Variants in ITGA9 observed in about 807,000 individuals in gnomAD.
The protein encoded by ITGA9 is integrin alpha-9.
Under a neutral mutation model 127.8 loss-of-function variants are expected in ITGA9, and 56 were observed. The observed-to-expected ratio is 0.44, with a 90% CI of 0.35 to 0.55. The LOEUF (loss-of-function observed/expected upper bound fraction) is 0.55. Among genes scored for constraint, ITGA9 ranks in the 20% least tolerant of loss-of-function variants. The pLI is 0.00. For synonymous variants in ITGA9, 508 were observed against 514.5 expected (o/e 0.99, Z 0.17); for missense variants, 1,196 against 1,347.1 (o/e 0.89, Z 1.76).
At chr3:37,736,422 A>C (rs2125530550) in intron 19 of ITGA9, among the ~76,000 whole-genome samples, 1 of 152,326 alleles carries the variant, frequency 6.6e-6, no homozygotes, top group South Asian at 2.1e-4. Context: ...AGAGTTCAGC[A>C]TTGCTCTGTT....
intron 13 of ITGA9, among the ~76,000 whole-genome samples, chr3:37,530,195 G>A (rs907240048): frequency 2.6e-5 from 4 of 152,238 alleles, no homozygotes; most frequent in African/African-American, 9.6e-5. Flanking sequence ...CGTTGATAAA[G>A]TCCCAGGATT....
At chr3:37,808,834 T>C (rs972557088) in intron 27 of ITGA9, 1 of 152,178 alleles carries the variant, frequency 6.6e-6, no homozygotes, top group African/African-American at 2.4e-5. Flanking sequence ...GGCCTCTCCA[T>C]GTGGTTCTTC....
intron 17 of ITGA9, among the ~76,000 whole-genome samples, chr3:37,662,992 G>A (rs957007048): frequency 6.6e-6 from 1 of 152,196 alleles, no homozygotes; most frequent in African/African-American, 2.4e-5. Context: ...ATTCATGGAT[G>A]TTTTTATTTT....
intron 13 of ITGA9, 48 bp from the exon 14 acceptor site, chr3:37,533,266 G>T (rs760645926): frequency 2.2e-5 from 35 of 1,586,450 alleles, no homozygotes; most frequent in Admixed American, 1.7e-5. Context: ...TTGGTTCTGA[G>T]AGCTGCTCCT....
rs758261838 is a variant in ITGA9 at position 37,519,294 on chromosome 3, C to T, written c.1176C>T (p.Phe392=). 3.7e-6 allele frequency: 6 copies of T among 1,613,982 alleles called. No individual in the cohort carries two copies. The highest frequency in any genetic ancestry group is 2.2e-5 in the East Asian group (1 of 44,882). Residue 392 remains phenylalanine, a synonymous_variant, in exon 11 of 28, where the codon TTC becomes TTT. Coordinates refer to ENST00000264741, the MANE Select transcript of ITGA9 (RefSeq NM_002207.3). ...VAIGAPKEDD[F]AGAVYIYHGD... Reference sequence around the variant, plus strand: ...TTGGTGCACCCAAGGAGGATGACTTCGCAGGGGCGGTCTATATCTATCATG... The same window carrying T: ...TTGGTGCACCCAAGGAGGATGACTTTGCAGGGGCGGTCTATATCTATCATG...
At chr3:37,472,593 G>A (rs1429566786) in intron 2 of ITGA9, among the ~76,000 whole-genome samples, 1 of 151,912 alleles carries the variant, frequency 6.6e-6, no homozygotes, top group Non-Finnish European at 1.5e-5. Flanking sequence ...ACGGGGTTTC[G>A]CCATGTTGGC....
chr3:37,610,130 T>C (rs1462780232), intron 15 of ITGA9, among the ~76,000 whole-genome samples: 2 of 151,990 alleles, frequency 1.3e-5, no homozygotes, highest in Non-Finnish European at 2.9e-5. Context: ...GATGGATAAG[T>C]AGGAATAAGC....
intron 17 of ITGA9, among the ~76,000 whole-genome samples, chr3:37,681,900 A>G (rs1700738172): frequency 6.6e-6 from 1 of 151,878 alleles, no homozygotes; most frequent in Non-Finnish European, 1.5e-5. Context: ...CTATTTCACT[A>G]CAAAATAGAA....
chr3:37,742,028 C>T (rs975200090), intron 21 of ITGA9, among the ~76,000 whole-genome samples: 5 of 152,256 alleles, frequency 3.3e-5, no homozygotes, highest in Non-Finnish European at 7.3e-5. Flanking sequence ...CCTACCCACC[C>T]ACCTGGTAGA....
intron 15 of ITGA9, among the ~76,000 whole-genome samples, chr3:37,585,290 T>C (rs1478674874): frequency 6.6e-6 from 1 of 152,126 alleles, no homozygotes; most frequent in East Asian, 1.9e-4. Flanking sequence ...AATAAGTGCA[T>C]GGTTGATTAG....
intron 18 of ITGA9, among the ~76,000 whole-genome samples, chr3:37,695,254 G>A (rs1184795191): frequency 2.6e-5 from 4 of 152,210 alleles, no homozygotes; most frequent in African/African-American, 9.6e-5. Context: ...GGCAGAAGAA[G>A]ACCCACGGTT....
Position 37,597,434 on chromosome 3 carries a change from C to T in ITGA9, c.1690-31753C>T, listed in dbSNP as rs555681349. ...GCAGGGAGACCAGGTAAGAAGTCTG[C>T]GGTGGTCTAATGGTGGAGGTGAAGA... On this transcript the variant is annotated intron_variant, in intron 15 of 27. Coordinates refer to ENST00000264741, the MANE Select transcript of ITGA9 (RefSeq NM_002207.3). This position sits in a 1 kb window ranked among gnomAD's most constrained non-coding sequence, Gnocchi z 4.6. 2.0e-4 allele frequency among the ~76,000 whole-genome samples: 30 copies of T among 151,978 alleles called. 1 individual carries two copies. The highest frequency in any genetic ancestry group is 6.8e-4 in the African/African-American group (28 of 41,422).
intron 7 of ITGA9, 111 bp downstream of exon 7, chr3:37,506,196 C>A: frequency 1.2e-6 from 1 of 844,696 alleles, no homozygotes; most frequent in Non-Finnish European, 2.0e-6. Context: ...TACTGGGTGG[C>A]TGGTGGGGAG....
At chr3:37,781,009 T>C (rs1279977440) in intron 25 of ITGA9, among the ~76,000 whole-genome samples, 1 of 152,214 alleles carries the variant, frequency 6.6e-6, no homozygotes, top group East Asian at 1.9e-4. Context: ...ACCTGAGAGT[T>C]TCTTAGAAAT....
At chr3:37,628,186 C>T (rs1477311634) in intron 15 of ITGA9, among the ~76,000 whole-genome samples, 1 of 152,150 alleles carries the variant, frequency 6.6e-6, no homozygotes, top group Non-Finnish European at 1.5e-5. Flanking sequence ...TCCCCAGGGA[C>T]TCGGCTGTTT....
At chr3:37,514,914 A>G (rs1374823453) in intron 9 of ITGA9, among the ~76,000 whole-genome samples, 2 of 147,090 alleles carry the variant, frequency 1.4e-5, no homozygotes, top group African/African-American at 4.9e-5. Context: ...GGGACGTGAC[A>G]TGGACAGAAA....
In ITGA9 at chr3:37,750,497, A is replaced by G; in HGVS notation, c.2469A>G (p.Ser823=). ...CTGGCCCAAGCACCCTTCCAGGGTC[A>G]TCTGTCAGCATCTCTTTCCCTAATC... is the stretch of plus-strand genomic sequence containing the variant. ...YNTGPSTLPG[S]SVSISFPNRL... Residue 823 remains serine (S), a synonymous_variant, in exon 23 of 28, where the codon TCA becomes TCG. Transcript: ENST00000264741. 6.2e-7 allele frequency: 1 copy of G among 1,613,682 alleles called. No homozygotes were observed. The highest frequency in any genetic ancestry group is 1.1e-5 in the South Asian group (1 of 91,042).
At chr3:37,611,013 A>G (rs183256944) in intron 15 of ITGA9, among the ~76,000 whole-genome samples, 198 of 152,348 alleles carry the variant, frequency 1.3e-3, no homozygotes, top group African/African-American at 4.5e-3. Context: ...GTAAACACTG[A>G]AAGGAAGTAA....
At chr3:37,738,175 C>T (rs564667838) in intron 20 of ITGA9, among the ~76,000 whole-genome samples, 2 of 152,348 alleles carry the variant, frequency 1.3e-5, no homozygotes, top group East Asian at 3.9e-4. Context: ...ATTTACATCA[C>T]ATAAAACATG....
Sources: allele counts gnomAD v4.1 joint callset (sites outside exome capture counted in the v4.1 genomes callset), GRCh38; gene constraint gnomAD v4.1.1; non-coding constraint Gnocchi (gnomAD v3.1); transcripts MANE v1.5; gene names NCBI Gene and HGNC (gene_info 2026-07-23, HGNC 2026-07-21).